CCDC102B: variants seen among roughly 807,000 people sequenced by gnomAD.
The protein encoded by CCDC102B is coiled-coil domain containing 102B, also known as coiled-coil domain-containing protein 102B.
CCDC102B carries 75 observed loss-of-function variants against 57.4 expected under a neutral mutation model. The observed-to-expected ratio is 1.31, with a 90% CI of 1.08 to 1.58. The LOEUF (loss-of-function observed/expected upper bound fraction) is 1.58. Among genes scored for constraint, CCDC102B ranks in the 40% most tolerant of loss-of-function variants. CCDC102B has a pLI of 0.00. For missense variants in CCDC102B, 636 were observed against 582.6 expected, an observed-to-expected ratio of 1.09 and a Z score of -0.94; for synonymous variants, 206 against 201.9, an observed-to-expected ratio of 1.02 and a Z score of -0.17.
intron 2 of CCDC102B, among the ~76,000 whole-genome samples, chr18:68,774,321 G>T (rs564600177): frequency 1.3e-5 from 2 of 151,334 alleles, no homozygotes; most frequent in Admixed American, 1.3e-4. Context: ...AATTATATAT[G>T]TATTTATATA....
intron 6 of CCDC102B, among the ~76,000 whole-genome samples, chr18:68,976,376 A>G (rs1189795712): frequency 6.6e-6 from 1 of 152,052 alleles, no homozygotes. Flanking sequence ...TGTAGAAAAT[A>G]TTACATATAT....
At chr18:68,766,738 C>G (rs1208179980) in intron 2 of CCDC102B, among the ~76,000 whole-genome samples, 1 of 152,028 alleles carries the variant, frequency 6.6e-6, no homozygotes, top group African/African-American at 2.4e-5. Context: ...CCAAGGAAAT[C>G]AAAAGGTATG....
At chr18:68,762,029 G>A (rs1324816197) in intron 2 of CCDC102B, among the ~76,000 whole-genome samples, 1 of 152,058 alleles carries the variant, frequency 6.6e-6, no homozygotes, top group Non-Finnish European at 1.5e-5. Flanking sequence ...TTTACCATAC[G>A]TGTTTACGTA....
intron 6 of CCDC102B, among the ~76,000 whole-genome samples, chr18:68,927,996 A>G (rs1026987709): frequency 6.6e-6 from 1 of 151,880 alleles, no homozygotes; most frequent in Non-Finnish European, 1.5e-5. Context: ...CAGTTAGATG[A>G]TAGTCAAGCA....
rs763657510 is a variant in CCDC102B, at chr18:68,897,226, G to A, written c.1061G>A (p.Arg354Lys). ...VICELRAELE[R>K]LQAENTSEWD... is the part of the protein sequence containing the mutation. ...TGTGTTTTCTGTGTGTAGCTAGAGA[G>A]ATTGCAAGCTGAAAATACCTCGGAG... Residue 354 changes from arginine (R) to lysine (K), a missense_variant, in exon 6 of 8, where the codon AGA (arginine) becomes AAA (lysine). By Grantham distance (26) the Arg-to-Lys change is conservative. Transcript: ENST00000360242. 1 of 1,611,704 alleles carries A rather than the reference G, an allele frequency of 6.2e-7. No homozygotes were observed.
chr18:68,795,009 T>C (rs1458590363), upstream of CCDC102B, among the ~76,000 whole-genome samples: 3 of 136,436 alleles, frequency 2.2e-5, no homozygotes, highest in Non-Finnish European at 3.2e-5. Flanking sequence ...TGGTCATTAA[T>C]TTGTAAACTC....
chr18:68,815,905 G>A (rs2036455563), intron 1 of CCDC102B, among the ~76,000 whole-genome samples: 1 of 152,052 alleles, frequency 6.6e-6, no homozygotes, highest in African/African-American at 2.4e-5. Flanking sequence ...ATCAGTTTGA[G>A]TTTTATTTCA....
chr18:68,739,598 C>T (rs767787165), intron 2 of CCDC102B, among the ~76,000 whole-genome samples: 4 of 152,204 alleles, frequency 2.6e-5, no homozygotes, highest in Non-Finnish European at 5.9e-5. Context: ...CTTGGTGTTT[C>T]TGAGAGTACA....
At chr18:68,733,478 T>TTATATATATATA (rs1301629816) in intron 2 of CCDC102B, among the ~76,000 whole-genome samples, 3 of 25,130 alleles carry the variant, frequency 1.2e-4, no homozygotes, top group African/African-American at 4.9e-4. Context: ...TTAGACAACT[T>TTATATATATATA]TATATATATA....
chr18:69,040,420 ATGTG>A, intron 7 of CCDC102B, among the ~76,000 whole-genome samples: 2 of 10,872 alleles, frequency 1.8e-4, no homozygotes, highest in South Asian at 0.013. Context: ...GTGTGTGTGT[ATGTG>A]TGTGTGTGTG....
chr18:68,788,643 G>A (rs1378211563), intron 2 of CCDC102B, among the ~76,000 whole-genome samples: 2 of 149,144 alleles, frequency 1.3e-5, no homozygotes, highest in Non-Finnish European at 3.0e-5. Context: ...CAGAGACTAG[G>A]ATTGCAACCC....
chr18:68,878,572 C>T (rs570270179), intron 5 of CCDC102B, among the ~76,000 whole-genome samples: 1 of 152,094 alleles, frequency 6.6e-6, no homozygotes, highest in East Asian at 1.9e-4. Flanking sequence ...AAAAAGAGAC[C>T]CCAGAGAGTT....
chr18:68,790,013 G>C (rs1287233393), intron 2 of CCDC102B, among the ~76,000 whole-genome samples: 1 of 149,328 alleles, frequency 6.7e-6, no homozygotes, highest in Non-Finnish European at 1.5e-5. Context: ...TTTTTGGTGT[G>C]GATGTCCTTT....
chr18:68,750,914 G>A (rs75597243), intron 2 of CCDC102B, among the ~76,000 whole-genome samples: 3 of 151,702 alleles, frequency 2.0e-5, no homozygotes, highest in East Asian at 1.9e-4. Flanking sequence ...AAACCTGCAC[G>A]TTGTGCACAT....
At chr18:68,782,997 T>A (rs760194048) in intron 2 of CCDC102B, among the ~76,000 whole-genome samples, 150 of 152,190 alleles carry the variant, frequency 9.9e-4, no homozygotes, top group Non-Finnish European at 1.8e-3. Context: ...TTAATGAGTG[T>A]TTACTATCTG....
chr18:68,902,577 A>G (rs966543665), intron 6 of CCDC102B, among the ~76,000 whole-genome samples: 1 of 152,180 alleles, frequency 6.6e-6, no homozygotes, highest in East Asian at 1.9e-4. Flanking sequence ...ACCAGTACCT[A>G]TCTGCAGCAT....
chr18:68,935,353 G>A (rs2049203542), intron 6 of CCDC102B, among the ~76,000 whole-genome samples: 1 of 151,904 alleles, frequency 6.6e-6, no homozygotes, highest in South Asian at 2.1e-4. Context: ...AATGACTCCG[G>A]GTAACAAGAG....
intron 1 of CCDC102B, among the ~76,000 whole-genome samples, chr18:68,835,661 A>G (rs2037334778): frequency 6.6e-6 from 1 of 152,194 alleles, no homozygotes; most frequent in African/African-American, 2.4e-5. Flanking sequence ...CTGCTCACAT[A>G]GCAAAGGATT....
intron 6 of CCDC102B, among the ~76,000 whole-genome samples, chr18:68,962,434 ACT>A (rs1282135319): frequency 4.0e-5 from 6 of 151,824 alleles, no homozygotes; most frequent in African/African-American, 4.8e-5. Flanking sequence ...GTACAGTAAT[ACT>A]CTCCTTCATT....
Sources: gnomAD v4.1 joint callset for allele counts (sites outside exome capture counted in the v4.1 genomes callset) on GRCh38, gnomAD v4.1.1 for gene constraint, MANE v1.5 for transcripts, NCBI Gene and HGNC (gene_info 2026-07-23, HGNC 2026-07-21) for gene names.